NHLRC4: variants seen among roughly 807,000 people sequenced by gnomAD.
The protein encoded by NHLRC4 is NHL repeat containing 4.
For synonymous variants in NHLRC4, 73 were observed against 69.0 expected, an observed-to-expected ratio of 1.06 and a Z score of -0.29; for missense variants, 158 against 155.4, an observed-to-expected ratio of 1.02 and a Z score of -0.09.
At position 568,057 on chromosome 16, in the gene NHLRC4, C is replaced by G; in HGVS notation, c.10C>G (p.Leu4Val). 6.5e-7 allele frequency: 1 copy of G among 1,528,874 alleles called. No individual in the cohort carries two copies. Among genetic ancestry groups the G allele is most frequent in the Non-Finnish European group, 8.8e-7 (1 of 1,141,404 alleles). 94.7% of individuals were successfully genotyped at this position (1,528,874 alleles called of 1,614,324 possible). MLGLEGPCWVGPGP... is the reference protein window; with the variant it reads MLGVEGPCWVGPGP... ...CCTGGCCCCAGCCTCCATGCTGGGT[C>G]TGGAGGGCCCCTGCTGGGTGGGCCC... is the stretch of plus-strand genomic sequence containing the variant. Residue 4 changes from leucine (L) to valine (V), a missense_variant, in exon 2 of 2, where the codon CTG becomes GTG. Transcript: ENST00000424439.
In NHLRC4 at chr16:568,246, G is replaced by A. The variant is rs763907397; in HGVS notation, c.199G>A (p.Glu67Lys). Reference sequence around the variant, plus strand: ...AGAGGGCAATGTTATTGTGGCAGACGAGCAGAGGCGCCAGGTGACCCTGTT... The same window carrying A: ...AGAGGGCAATGTTATTGTGGCAGACAAGCAGAGGCGCCAGGTGACCCTGTT... ...NSEGNVIVAD[E>K]QRRQVTLFPR... The change falls in exon 2 of 2, where the codon GAG (glutamate) becomes AAG (lysine). Residue 67 changes from glutamate (E) to lysine (K), a missense_variant. Glu to Lys is a moderately conservative substitution (Grantham distance 56). Transcript: ENST00000424439. 23 of 1,612,180 alleles carry A rather than the reference G, an allele frequency of 1.4e-5. No individual in the cohort carries two copies. Among genetic ancestry groups the A allele is most frequent in the African/African-American group, 6.7e-5 (5 of 74,930 alleles).
chr16:568,529 T>A lies in NHLRC4; in HGVS notation c.*110T>A. 5 of 1,221,098 alleles carry A rather than the reference T, an allele frequency of 4.1e-6. No individual in the cohort carries two copies. Among genetic ancestry groups the A allele is most frequent in the Non-Finnish European group, 5.6e-6 (5 of 891,546 alleles). The allele number at this position is 1,221,098 out of a possible 1,614,324, so 75.6% of individuals were successfully genotyped here. ...GGTGGAGCCTCCAGGCTATGGGCATTGCCTGCCTGATGCCAGCACCACCTG... is the reference window on the plus strand; with the variant it reads ...GGTGGAGCCTCCAGGCTATGGGCATAGCCTGCCTGATGCCAGCACCACCTG... On this transcript the variant is annotated 3_prime_UTR_variant, in exon 2 of 2. Coordinates refer to ENST00000424439, the MANE Select transcript of NHLRC4 (RefSeq NM_001301159.2).
In NHLRC4 at chr16:568,170, G is replaced by A. The variant is rs772412620; in HGVS notation, c.123G>A (p.Gly41=). 1.1e-5 allele frequency: 17 copies of A among 1,611,114 alleles called. No homozygotes were observed. In the South Asian group the frequency reaches 1.8e-4, roughly 17 times the overall value. ...CCCGCCAACCCCTGGGCTCCCTGGG[G>A]GGCTGGACGGGGCACACTTTCGGCT... The part of the protein sequence containing the change: ...GSARQPLGSL[G]GWTGHTFGCP... The change falls in exon 2 of 2, where the codon GGG becomes GGA. Residue 41 remains glycine (G), a synonymous_variant. Transcript: ENST00000424439.
intron 1 of NHLRC4, 40 bp downstream of exon 1, chr16:567,115 G>C (rs949858016): frequency 1.3e-5 from 2 of 154,284 alleles, no homozygotes; most frequent in African/African-American, 2.4e-5. Context: ...GGTGGGGCAG[G>C]TGGAGGCCCT....
In NHLRC4 at chr16:568,298, T is replaced by A. The variant is rs569884529; in HGVS notation, c.251T>A (p.Leu84Gln). Residue 84 changes from leucine to glutamine, a missense_variant, in exon 2 of 2, where the codon CTG becomes CAG. Leu to Gln is a moderately radical substitution (Grantham distance 113). Coordinates refer to ENST00000424439, the MANE Select transcript of NHLRC4 (RefSeq NM_001301159.2). The stretch of plus-strand genomic sequence containing the variant: ...CCCCGGGCTGGGCCACCCATCTGCC[T>A]GGTGTCAGAGGGGCTTGGGCAGCCC... ...LFPRAGPPIC[L>Q]VSEGLGQPLG... The A allele has an allele frequency of 1.2e-6, 2 of 1,612,042 alleles. No individual in the cohort carries two copies. Among genetic ancestry groups the A allele is most frequent in the Non-Finnish European group, 1.7e-6 (2 of 1,179,586 alleles).
Position 568,720 on chromosome 16 carries a change from C to T in NHLRC4, c.*301C>T. 2.6e-6 allele frequency: 1 copy of T among 383,026 alleles called. No individual in the cohort carries two copies. The highest frequency in any genetic ancestry group is 4.8e-6 in the Non-Finnish European group (1 of 209,788). 23.7% of individuals were successfully genotyped at this position (383,026 alleles called of 1,614,324 possible). ...GTGCCCTGGCCCCTGCATTCATGCCCCCCACACCCCCTCAGGCCCTGTGCC... is the reference window on the plus strand; with the variant it reads ...GTGCCCTGGCCCCTGCATTCATGCCTCCCACACCCCCTCAGGCCCTGTGCC... On this transcript the variant is annotated 3_prime_UTR_variant, in exon 2 of 2. Transcript: ENST00000424439.
intron 1 of NHLRC4, among the ~76,000 whole-genome samples, 154 bp downstream of exon 1, chr16:567,229 G>T (rs2035549238): frequency 6.6e-6 from 1 of 152,118 alleles, no homozygotes; most frequent in Non-Finnish European, 1.5e-5. Context: ...GTAGAAAGGG[G>T]TTCCACAGGC....
In NHLRC4 at chr16:568,001, A is replaced by G. The variant is rs1244962572; in HGVS notation, c.-47A>G. On this transcript the variant is annotated 5_prime_UTR_variant, in exon 2 of 2. Coordinates refer to ENST00000424439, the MANE Select transcript of NHLRC4 (RefSeq NM_001301159.2). ...ACGGACTACTTGCCTGGGGCTGTGC[A>G]CAGCTTCTCGTTGGGTCCTGCTTGG... The G allele has an allele frequency of 2.7e-6, 4 of 1,492,880 alleles. No homozygotes were observed. The highest frequency in any genetic ancestry group is 3.5e-6 in the Non-Finnish European group (4 of 1,128,960). 92.5% of individuals were successfully genotyped at this position (1,492,880 alleles called of 1,614,324 possible).
At position 568,074 on chromosome 16, in the gene NHLRC4, G is replaced by T. The variant is rs370766631; in HGVS notation, c.27G>T (p.Trp9Cys). 3 of 1,544,614 alleles carry T rather than the reference G, an allele frequency of 1.9e-6. No homozygotes were observed. The highest frequency in any genetic ancestry group is 2.6e-6 in the Non-Finnish European group (3 of 1,147,280). Reference sequence around the variant, plus strand: ...TGCTGGGTCTGGAGGGCCCCTGCTGGGTGGGCCCAGGGCCTGATGGGGGCC... The same window carrying T: ...TGCTGGGTCTGGAGGGCCCCTGCTGTGTGGGCCCAGGGCCTGATGGGGGCC... MLGLEGPC[W>C]VGPGPDGGLA... is the part of the protein sequence containing the mutation. Residue 9 changes from tryptophan (W) to cysteine (C), a missense_variant, in exon 2 of 2, where the codon TGG becomes TGT. Physicochemically the swap from Trp to Cys is radical, Grantham distance 215. Coordinates refer to ENST00000424439, the MANE Select transcript of NHLRC4 (RefSeq NM_001301159.2).
chr16:567,155 CAGA>C (rs1207196011), intron 1 of NHLRC4, 80 bp downstream of exon 1: 1 of 153,566 alleles, frequency 6.5e-6, no homozygotes, highest in Non-Finnish European at 1.5e-5. Context: ...CCTAAGGGGT[CAGA>C]AGTCTCCCTG....
rs893061775 is a variant in NHLRC4, at chr16:568,095, G to A, written c.48G>A (p.Gly16=). The change falls in exon 2 of 2, where the codon GGG becomes GGA. Residue 16 remains glycine, a synonymous_variant. Transcript: ENST00000424439. ...GCTGGGTGGGCCCAGGGCCTGATGG[G>A]GGCCTTGCTGTGAGTGAGGAGTTTG... is the stretch of plus-strand genomic sequence containing the variant. ...GPCWVGPGPD[G]GLAVSEEFGD... 1.9e-6 allele frequency: 3 copies of A among 1,571,656 alleles called. No homozygotes were observed. The highest frequency in any genetic ancestry group is 2.6e-6 in the Non-Finnish European group (3 of 1,158,830).
intron 1 of NHLRC4, 46 bp downstream of exon 1, chr16:567,121 G>C (rs931426926): frequency 2.0e-5 from 3 of 152,076 alleles, no homozygotes; most frequent in African/African-American, 7.4e-5. Flanking sequence ...GCAGGTGGAG[G>C]CCCTCGGAAT....
chr16:568,116 G>A lies in NHLRC4; in HGVS notation c.69G>A (p.Glu23=). 1 of 1,594,382 alleles carries A rather than the reference G, an allele frequency of 6.3e-7. No individual in the cohort carries two copies. Among genetic ancestry groups the A allele is most frequent in the Non-Finnish European group, 8.5e-7 (1 of 1,170,274 alleles). The stretch of plus-strand genomic sequence containing the variant: ...ATGGGGGCCTTGCTGTGAGTGAGGA[G>A]TTTGGGGATGTGAGGCTGTTTGGCA... ...GPDGGLAVSE[E]FGDVRLFGSA... The change falls in exon 2 of 2, where the codon GAG becomes GAA. Residue 23 remains glutamate, a synonymous_variant. Transcript: ENST00000424439.
Position 568,401 on chromosome 16 carries a change from C to T in NHLRC4, c.354C>T (p.Gly118=). The T allele has an allele frequency of 6.2e-7, 1 of 1,611,138 alleles. No individual in the cohort carries two copies. The highest frequency in any genetic ancestry group is 8.5e-7 in the Non-Finnish European group (1 of 1,179,456). The change falls in exon 2 of 2, where the codon GGC becomes GGT. Residue 118 remains glycine, a synonymous_variant. Coordinates refer to ENST00000424439, the MANE Select transcript of NHLRC4 (RefSeq NM_001301159.2). The stretch of plus-strand genomic sequence containing the variant: ...ACAACTCCATCAAGGTGTACCAGGG[C>T]CTCAAGGAGCTGGCCTGACCTGAGG... The part of the protein sequence containing the change: ...AKDNSIKVYQ[G]LKELA
intron 1 of NHLRC4, 58 bp from the exon 2 acceptor site, chr16:567,413 G>A (rs1013183682): frequency 6.5e-6 from 1 of 153,438 alleles, no homozygotes; most frequent in African/African-American, 2.4e-5. Flanking sequence ...TCAGGACCAG[G>A]AGGACCCGGC....
At position 568,083 on chromosome 16, in the gene NHLRC4, A is replaced by G; in HGVS notation, c.36A>G (p.Pro12=). ...LGLEGPCWVG[P]GPDGGLAVSE... ...TGGAGGGCCCCTGCTGGGTGGGCCC[A>G]GGGCCTGATGGGGGCCTTGCTGTGA... The change falls in exon 2 of 2, where the codon CCA becomes CCG. Residue 12 remains proline (P), a synonymous_variant. Coordinates refer to ENST00000424439, the MANE Select transcript of NHLRC4 (RefSeq NM_001301159.2). 5 of 1,560,932 alleles carry G rather than the reference A, an allele frequency of 3.2e-6. No individual in the cohort carries two copies. Among genetic ancestry groups the G allele is most frequent in the Non-Finnish European group, 4.3e-6 (5 of 1,154,218 alleles).
chr16:567,345 C>G (rs2035550562), intron 1 of NHLRC4, 126 bp from the exon 2 acceptor site: 1 of 152,306 alleles, frequency 6.6e-6, no homozygotes, highest in Non-Finnish European at 1.5e-5. Context: ...CTCCCAGACT[C>G]AAGTCCCAGG....
In NHLRC4 at chr16:567,937, C is replaced by T. The variant is rs975518858; in HGVS notation, c.-111C>T. 1.1e-5 allele frequency: 13 copies of T among 1,212,330 alleles called. No homozygotes were observed. The highest frequency in any genetic ancestry group is 2.0e-4 in the Middle Eastern group (1 of 5,100). The allele number at this position is 1,212,330 out of a possible 1,614,324, so 75.1% of individuals were successfully genotyped here. ...GACAGTGGGCACCTTCCTGTCTCCC[C>T]GAGGGCTGGCTGTGGATGCCCTCAA... On this transcript the variant is annotated 5_prime_UTR_variant, in exon 2 of 2. Transcript: ENST00000424439.
chr16:568,340 C>A lies in NHLRC4; in HGVS notation c.293C>A (p.Ala98Glu), dbSNP rs201072008. 6.2e-7 allele frequency: 1 copy of A among 1,611,290 alleles called. No individual in the cohort carries two copies. The highest frequency in any genetic ancestry group is 8.5e-7 in the Non-Finnish European group (1 of 1,179,336). ...GGGCAGCCCTTGGGAGTGGCCTGTG[C>A]ACCCCAGGGCCAGCTCCTGGTGGCT... ...GLGQPLGVAC[A>E]PQGQLLVADA... Residue 98 changes from alanine (A) to glutamate (E), a missense_variant, in exon 2 of 2, where the codon GCA becomes GAA. Ala to Glu is a moderately radical substitution (Grantham distance 107). Transcript: ENST00000424439.
Sources: allele counts gnomAD v4.1 joint callset (sites outside exome capture counted in the v4.1 genomes callset), GRCh38; gene constraint gnomAD v4.1.1; transcripts MANE v1.5; gene names NCBI Gene and HGNC (gene_info 2026-07-23, HGNC 2026-07-21).